The following C2CD5 variants were observed in gnomAD, a reference collection of about 807,000 sequenced individuals.
C2CD5 encodes C2 calcium dependent domain containing 5.
In C2CD5, 109 loss-of-function variants were observed where a neutral mutation model predicts 130.3. The ratio of observed to expected loss-of-function variants is 0.84; its 90% CI spans 0.72 to 0.98. The LOEUF (loss-of-function observed/expected upper bound fraction) is 0.98, where lower values mean the gene tolerates loss of function less well. C2CD5 is among the 50% of genes least tolerant of loss of function. The probability of loss-of-function intolerance (pLI) is 0.00; values close to 1 mark genes in which losing one functional copy is unlikely to be tolerated. For missense variants in C2CD5, 996 were observed against 1,261.8 expected, an observed-to-expected ratio of 0.79 and a Z score of 3.19; for synonymous variants, 454 against 429.2, an observed-to-expected ratio of 1.06 and a Z score of -0.71.
chr12:22,506,951 T>C (rs2136735036), intron 9 of C2CD5, 132 bp from the exon 10 acceptor site: 1 of 597,858 alleles, frequency 1.7e-6, no homozygotes, highest in East Asian at 2.8e-5. Flanking sequence ...ACATCACACA[T>C]GCTTTGTAAT....
In C2CD5 at chr12:22,484,848, T is replaced by A; in HGVS notation, c.1399A>T (p.Ile467Leu). 1 of 1,584,388 alleles carries A rather than the reference T, an allele frequency of 6.3e-7. No homozygotes were observed. The highest frequency in any genetic ancestry group is 1.2e-5 in the South Asian group (1 of 84,458). The change falls in exon 13 of 27, where the codon ATA (isoleucine) becomes TTA (leucine). Residue 467 changes from isoleucine (I) to leucine (L), a missense_variant. Physicochemically the swap from Ile to Leu is conservative, Grantham distance 5 (BLOSUM62 2). Coordinates refer to ENST00000446597, the MANE Select transcript of C2CD5 (RefSeq NM_001286176.2). Reference protein sequence around the residue: ...NLPTRCGFCHIPYDELNMPFP... With the variant: ...NLPTRCGFCHLPYDELNMPFP... ...GGCATATTCAGTTCATCATATGGTATATGACAAAATCCACAACGTGTAGGC... is the reference window on the plus strand; with the variant it reads ...GGCATATTCAGTTCATCATATGGTAAATGACAAAATCCACAACGTGTAGGC...
At chr12:22,484,084 G>A (rs1275858958) in intron 13 of C2CD5, among the ~76,000 whole-genome samples, 1 of 152,106 alleles carries the variant, frequency 6.6e-6, no homozygotes, top group Admixed American at 6.5e-5. Flanking sequence ...TCATCAAGGA[G>A]GATGAAGATT....
intron 13 of C2CD5, 56 bp from the exon 14 acceptor site, chr12:22,482,799 C>T (rs1944916713): frequency 7.5e-7 from 1 of 1,326,512 alleles, no homozygotes; most frequent in Admixed American, 2.0e-5. Flanking sequence ...TTAAAAATGT[C>T]CAAATTTTAA....
intron 5 of C2CD5, 86 bp downstream of exon 5, chr12:22,525,524 C>A: frequency 3.9e-6 from 3 of 774,956 alleles, no homozygotes; most frequent in Non-Finnish European, 4.6e-6. Context: ...AATAGCTTTT[C>A]TACTTGCCTT....
At chr12:22,502,422 C>T (rs2136645795) in intron 10 of C2CD5, among the ~76,000 whole-genome samples, 1 of 152,164 alleles carries the variant, frequency 6.6e-6, no homozygotes, top group South Asian at 2.1e-4. Context: ...CTAATGCCTA[C>T]ATCATTTACC....
rs143138095 is a variant in C2CD5, at chr12:22,497,265, A to G, written c.1148-3928T>C. Among the ~76,000 whole-genome samples the G allele has an allele frequency of 2.8e-3, 422 of 152,220 alleles. 3 individuals carry two copies. Among genetic ancestry groups the G allele is most frequent in the African/African-American group, 9.5e-3 (395 of 41,550 alleles). The stretch of plus-strand genomic sequence containing the variant: ...ACTATAGTTACCAACACTGTACTGT[A>G]TATGTCAAAACAGCTACCCGAGAGA... On this transcript the variant is annotated intron_variant, in intron 10 of 26. Transcript: ENST00000446597.
intron 10 of C2CD5, chr12:22,502,607 T>C (rs1947939647): frequency 2.1e-6 from 1 of 475,984 alleles, no homozygotes; most frequent in Non-Finnish European, 3.7e-6. Flanking sequence ...AGTTATTACA[T>C]ACGTAGCACA....
intron 10 of C2CD5, among the ~76,000 whole-genome samples, chr12:22,502,572 T>C (rs74071708): frequency 0.053 from 8,076 of 152,270 alleles, 732 homozygotes; most frequent in African/African-American, 0.19. Flanking sequence ...CATTTTTATA[T>C]TTGTATTTCC....
intron 15 of C2CD5, among the ~76,000 whole-genome samples, chr12:22,476,435 G>A (rs1943848953): frequency 6.6e-6 from 1 of 152,046 alleles, no homozygotes; most frequent in Non-Finnish European, 1.5e-5. Flanking sequence ...GATGAGTACT[G>A]TTGTGAAAAT....
At chr12:22,530,193 GTA>G (rs1053003326) in intron 3 of C2CD5, among the ~76,000 whole-genome samples, 2 of 124,436 alleles carry the variant, frequency 1.6e-5, no homozygotes, top group South Asian at 2.3e-4. Context: ...ATACAACTGT[GTA>G]TATATATACA....
chr12:22,544,222 G>C, intron 1 of C2CD5, 43 bp from the exon 2 acceptor site: 2 of 1,501,230 alleles, frequency 1.3e-6, no homozygotes, highest in Non-Finnish European at 1.8e-6. Context: ...CGCGGGGCCG[G>C]CGGGAGAGGG....
chr12:22,467,663 C>A (rs2136128761), intron 22 of C2CD5, among the ~76,000 whole-genome samples: 1 of 152,304 alleles, frequency 6.6e-6, no homozygotes, highest in Admixed American at 6.5e-5. Flanking sequence ...TAATCCATAG[C>A]AGAACTGAGA....
chr12:22,525,827 A>C, intron 4 of C2CD5, 122 bp from the exon 5 acceptor site: 1 of 657,344 alleles, frequency 1.5e-6, no homozygotes. Context: ...CAATTTTTTG[A>C]ACTTTACCAT....
chr12:22,530,782 C>T (rs1951203480), intron 3 of C2CD5, among the ~76,000 whole-genome samples: 1 of 152,122 alleles, frequency 6.6e-6, no homozygotes, highest in Admixed American at 6.6e-5. Flanking sequence ...TTTAAGGGAA[C>T]TGCCTGGTAA....
At chr12:22,478,252 C>A in intron 15 of C2CD5, 61 bp downstream of exon 15, 1 of 1,395,816 alleles carries the variant, frequency 7.2e-7, no homozygotes, top group South Asian at 1.2e-5. Context: ...AATAAGATAA[C>A]CTAAAAATAT....
chr12:22,518,955 A>C lies in C2CD5; in HGVS notation c.801-818T>G. 5.4e-6 allele frequency: 3 copies of C among 552,306 alleles called. No individual in the cohort carries two copies. In the South Asian group the frequency reaches 8.3e-5, roughly 15 times the overall value. The allele number at this position is 552,306 out of a possible 1,614,324, so 34.2% of individuals were successfully genotyped here. ...TCCATATAGTTAGAGACTCTGTGGCAGCTAAATACAGAAGTTCCTCACTGC... is the reference window on the plus strand; with the variant it reads ...TCCATATAGTTAGAGACTCTGTGGCCGCTAAATACAGAAGTTCCTCACTGC... On this transcript the variant is annotated intron_variant, in intron 7 of 26. Transcript: ENST00000446597.
chr12:22,527,649 G>C (rs533151110), intron 4 of C2CD5, 72 bp downstream of exon 4: 6 of 925,586 alleles, frequency 6.5e-6, no homozygotes, highest in South Asian at 3.9e-5. Context: ...AGCAAATATA[G>C]CACAAATGTC....
chr12:22,510,262 T>G (rs958293169), intron 9 of C2CD5, among the ~76,000 whole-genome samples: 1 of 152,114 alleles, frequency 6.6e-6, no homozygotes, highest in African/African-American at 2.4e-5. Flanking sequence ...CATCCCGCTT[T>G]CAATGTCTAG....
chr12:22,459,425 AT>A (rs1307044130), intron 23 of C2CD5, 66 bp downstream of exon 23: 2 of 1,039,730 alleles, frequency 1.9e-6, no homozygotes, highest in African/African-American at 1.6e-5. Flanking sequence ...AATGTCTATA[AT>A]TTTATGCACC....
Sources: gnomAD v4.1 joint callset for allele counts (sites outside exome capture counted in the v4.1 genomes callset) on GRCh38, gnomAD v4.1.1 for gene constraint, MANE v1.5 for transcripts, NCBI Gene and HGNC (gene_info 2026-07-23, HGNC 2026-07-21) for gene names.